NINL: variants seen among roughly 807,000 people sequenced by gnomAD.
The protein encoded by NINL is ninein-like protein.
NINL carries 153 observed loss-of-function variants against 160.3 expected under a neutral mutation model. That is an observed-to-expected ratio of 0.95 (90% confidence interval 0.84 to 1.09). The LOEUF (loss-of-function observed/expected upper bound fraction) is 1.09. Among genes scored for constraint, NINL ranks in the 50% least tolerant of loss-of-function variants. The probability of loss-of-function intolerance (pLI) is 0.00; values close to 1 mark genes in which losing one functional copy is unlikely to be tolerated. For missense variants in NINL, 1,829 were observed against 1,764.0 expected, an observed-to-expected ratio of 1.04 and a Z score of -0.66; for synonymous variants, 800 against 734.8, an observed-to-expected ratio of 1.09 and a Z score of -1.43.
At chr20:25,489,041 GAC>G (rs1294228833) in intron 13 of NINL, 2 of 598,000 alleles carry the variant, frequency 3.3e-6, no homozygotes, top group Admixed American at 2.9e-5. Flanking sequence ...ATGGTCCCTG[GAC>G]ACACAGAGGC....
At chr20:25,496,459 A>G (rs2063754435) in intron 10 of NINL, among the ~76,000 whole-genome samples, 1 of 152,224 alleles carries the variant, frequency 6.6e-6, no homozygotes, top group South Asian at 2.1e-4. Context: ...AGGGCCAGGC[A>G]CTGCACCAAC....
At chr20:25,498,593 G>T (rs995026143) in intron 8 of NINL, among the ~76,000 whole-genome samples, 15 of 152,192 alleles carry the variant, frequency 9.9e-5, no homozygotes, top group Admixed American at 9.8e-4. Context: ...AGGCTAGACA[G>T]AACCCCTCTT....
intron 1 of NINL, among the ~76,000 whole-genome samples, chr20:25,561,652 C>T (rs994411738): frequency 8.6e-5 from 13 of 151,104 alleles, no homozygotes; most frequent in East Asian, 5.9e-4. Flanking sequence ...AGCCGCCCAT[C>T]GTCTGAGATG....
chr20:25,568,225 C>A (rs1367265796), intron 1 of NINL, among the ~76,000 whole-genome samples: 2 of 127,244 alleles, frequency 1.6e-5, no homozygotes, highest in African/African-American at 2.6e-5. Context: ...TTTCATTTGT[C>A]AGATCTCAAA....
chr20:25,552,676 C>T (rs2064819315), intron 1 of NINL, among the ~76,000 whole-genome samples: 1 of 152,226 alleles, frequency 6.6e-6, no homozygotes, highest in Admixed American at 6.5e-5. Context: ...CAGGTCTAGA[C>T]ACACCCCCCT....
chr20:25,551,066 G>A (rs2064802563), intron 1 of NINL, among the ~76,000 whole-genome samples: 1 of 152,234 alleles, frequency 6.6e-6, no homozygotes, highest in Admixed American at 6.5e-5. Context: ...GGGTACTTGA[G>A]AATGGAGAAT....
chr20:25,520,833 T>C (rs915558104), intron 2 of NINL, among the ~76,000 whole-genome samples: 3 of 152,378 alleles, frequency 2.0e-5, no homozygotes, highest in Admixed American at 6.5e-5. Context: ...ACTTTTCATC[T>C]TGAGATCATT....
intron 1 of NINL, among the ~76,000 whole-genome samples, chr20:25,545,138 A>G (rs1449260178): frequency 8.5e-5 from 13 of 152,216 alleles, no homozygotes; most frequent in Non-Finnish European, 7.3e-5. Context: ...TTTAAAGTGC[A>G]GAAGGCATGT....
At chr20:25,511,600 AGGC>A (rs1454246002) in intron 4 of NINL, among the ~76,000 whole-genome samples, 2 of 152,194 alleles carry the variant, frequency 1.3e-5, no homozygotes, top group Non-Finnish European at 2.9e-5. Context: ...ACAACCCTAA[AGGC>A]GGCTTTCCCC....
rs1429003489 is a variant in NINL, at chr20:25,458,426, C to A, written c.3800G>T (p.Ser1267Ile). Residue 1267 changes from serine (S) to isoleucine (I), a missense_variant, in exon 22 of 24, where the codon AGC becomes ATC. Transcript: ENST00000278886. The stretch of plus-strand genomic sequence containing the variant: ...CCTCCTGGCCTGCTCTCCCTGAAGG[C>A]TGAGCAGGCGATGCAGCTCGGCCAC... ...DRVAELHRLL[S>I]LQGEQARRRL... is the part of the protein sequence containing the mutation. 1 of 1,606,678 alleles carries A rather than the reference C, an allele frequency of 6.2e-7. No individual in the cohort carries two copies. Among genetic ancestry groups the A allele is most frequent in the East Asian group, 2.2e-5 (1 of 44,874 alleles).
intron 22 of NINL, 139 bp downstream of exon 22, chr20:25,458,244 G>A: frequency 8.5e-7 from 1 of 1,176,502 alleles, no homozygotes; most frequent in Admixed American, 1.8e-5. Context: ...TCTCCCTACA[G>A]CCTTCCTTAC....
At chr20:25,568,975 A>AG (rs1410734734) in intron 1 of NINL, among the ~76,000 whole-genome samples, 8 of 151,674 alleles carry the variant, frequency 5.3e-5, no homozygotes, top group Non-Finnish European at 1.0e-4. Context: ...CACACCTGTA[A>AG]TCCCAGCACT....
chr20:25,577,388 G>C (rs1428615857), intron 1 of NINL, among the ~76,000 whole-genome samples: 2 of 152,146 alleles, frequency 1.3e-5, no homozygotes, highest in African/African-American at 4.8e-5. Context: ...AGCATGGCTG[G>C]AAGTCCCAAG....
chr20:25,456,669 AC>A (rs763743363), intron 22 of NINL, among the ~76,000 whole-genome samples: 56 of 152,140 alleles, frequency 3.7e-4, no homozygotes, highest in Non-Finnish European at 6.3e-4. Flanking sequence ...GGTGGTTTAC[AC>A]CTGTAATCCC....
intron 1 of NINL, among the ~76,000 whole-genome samples, chr20:25,579,305 T>G (rs1052132241): frequency 6.6e-6 from 1 of 152,098 alleles, no homozygotes; most frequent in South Asian, 2.1e-4. Flanking sequence ...GGGGCAACAG[T>G]ACACCCCGGC....
chr20:25,507,966 T>C (rs1601181121), intron 5 of NINL, among the ~76,000 whole-genome samples: 1 of 152,322 alleles, frequency 6.6e-6, no homozygotes, highest in East Asian at 1.9e-4. Flanking sequence ...TGTAAACTGC[T>C]GGAAGGAACC....
chr20:25,492,602 C>T (rs893612811), intron 10 of NINL, among the ~76,000 whole-genome samples: 15 of 152,230 alleles, frequency 9.9e-5, no homozygotes, highest in Middle Eastern at 3.4e-3. Flanking sequence ...CAGGCACCCA[C>T]CACCATGCCC....
chr20:25,534,752 T>C (rs2064528099), intron 1 of NINL, among the ~76,000 whole-genome samples: 1 of 152,216 alleles, frequency 6.6e-6, no homozygotes, highest in East Asian at 1.9e-4. Context: ...CCAGGACCTC[T>C]CATGGATACC....
intron 1 of NINL, among the ~76,000 whole-genome samples, chr20:25,535,766 C>T (rs2064545553): frequency 6.6e-6 from 1 of 152,164 alleles, no homozygotes; most frequent in Non-Finnish European, 1.5e-5. Context: ...ACTCTGTTCT[C>T]CTACAGCACT....
Sources: allele counts gnomAD v4.1 joint callset (sites outside exome capture counted in the v4.1 genomes callset), GRCh38; gene constraint gnomAD v4.1.1; transcripts MANE v1.5; gene names NCBI Gene and HGNC (gene_info 2026-07-23, HGNC 2026-07-21).